PTP4A3: variants seen among roughly 807,000 people sequenced by gnomAD.
PTP4A3 encodes the protein protein tyrosine phosphatase type IVA 3.
A neutral mutation model predicts 15.2 loss-of-function variants in PTP4A3; 9 were observed. The ratio of observed to expected loss-of-function variants is 0.59; its 90% CI spans 0.36 to 1.03. The LOEUF is 1.03. Ranked by LOEUF, PTP4A3 falls within the 50% of genes least tolerant of loss-of-function variation. The probability of loss-of-function intolerance (pLI) is 0.02; values close to 1 mark genes in which losing one functional copy is unlikely to be tolerated. For synonymous variants in PTP4A3, 95 were observed against 102.0 expected (o/e 0.93, Z 0.41); for missense variants, 234 against 252.1 (o/e 0.93, Z 0.49).
At chr8:141,407,925 G>A (rs1265942515) in intron 1 of PTP4A3, among the ~76,000 whole-genome samples, 1 of 152,146 alleles carries the variant, frequency 6.6e-6, no homozygotes, top group East Asian at 1.9e-4. Context: ...TTGTTCATCA[G>A]CCATCATTAG....
At chr8:141,422,459 T>C (rs2130173028) in intron 2 of PTP4A3, 114 bp downstream of exon 2, 6 of 1,141,726 alleles carry the variant, frequency 5.3e-6, no homozygotes, top group Non-Finnish European at 6.5e-6. Context: ...CAGACAGGGC[T>C]CACAGCCTTG....
At chr8:141,410,733 G>T (rs1458971287) in intron 1 of PTP4A3, among the ~76,000 whole-genome samples, 1 of 152,196 alleles carries the variant, frequency 6.6e-6, no homozygotes, top group Non-Finnish European at 1.5e-5. Context: ...GCACAGCGAG[G>T]TTGAGGGATG....
chr8:141,422,248 G>A lies in PTP4A3; in HGVS notation c.8G>A (p.Arg3Gln), dbSNP rs1295374324. 20 of 1,612,822 alleles carry A rather than the reference G, an allele frequency of 1.2e-5. No individual in the cohort carries two copies. Among genetic ancestry groups the A allele is most frequent in the Admixed American group, 6.7e-5 (4 of 60,004 alleles). The stretch of plus-strand genomic sequence containing the variant: ...GGCCCGTCGGGAGGCGCCATGGCTC[G>A]GATGAACCGCCCGGCCCCGGTGGAG... MA[R>Q]MNRPAPVEVS... Residue 3 changes from arginine (R) to glutamine (Q), a missense_variant, in exon 2 of 6, where the codon CGG becomes CAG. Arg to Gln is a conservative substitution (Grantham distance 43). Transcript: ENST00000521578.
intron 1 of PTP4A3, among the ~76,000 whole-genome samples, chr8:141,410,887 C>T (rs1191090230): frequency 1.3e-5 from 2 of 152,210 alleles, no homozygotes; most frequent in East Asian, 3.9e-4. Context: ...CCAGAGAACC[C>T]ACCTGCCTTG....
At position 141,422,039 on chromosome 8, in the gene PTP4A3, T is replaced by C; in HGVS notation, c.-202T>C. 1.9e-6 allele frequency: 1 copy of C among 536,270 alleles called. No homozygotes were observed. The highest frequency in any genetic ancestry group is 3.3e-6 in the Non-Finnish European group (1 of 305,644). The allele number at this position is 536,270 out of a possible 1,614,324, so 33.2% of individuals were successfully genotyped here. ...TTTTCTTTTTTAATTATCCAAACAG[T>C]GGGCAGCTTCCTCCCCCACACCCAA... On this transcript the variant is annotated 5_prime_UTR_variant, in exon 2 of 6. Transcript: ENST00000521578.
Position 141,406,704 on chromosome 8 carries a change from A to G in PTP4A3, c.-854+14620A>G, listed in dbSNP as rs375675155. On this transcript the variant is annotated intron_variant, in intron 1 of 5. Coordinates refer to ENST00000521578, the MANE Select transcript of PTP4A3 (RefSeq NM_032611.3). This position sits in a 1 kb window ranked among gnomAD's most constrained non-coding sequence, Gnocchi z 4.5. ...GTGGCACAGAAGATGGCGAGTGGTGACGGCTGTGTTGCCTGCATGCCACCG... is the reference window on the plus strand; with the variant it reads ...GTGGCACAGAAGATGGCGAGTGGTGGCGGCTGTGTTGCCTGCATGCCACCG... Among the ~76,000 whole-genome samples the G allele has an allele frequency of 1.1e-4, 17 of 152,220 alleles. No homozygotes were observed. The East Asian group carries it at 3.1e-3, about 28-fold the overall frequency.
chr8:141,406,747 T>C lies in PTP4A3; in HGVS notation c.-853-14641T>C, dbSNP rs896053903. 2.6e-5 allele frequency among the ~76,000 whole-genome samples: 4 copies of C among 152,170 alleles called. No individual in the cohort carries two copies. Among genetic ancestry groups the C allele is most frequent in the Non-Finnish European group, 5.9e-5 (4 of 68,020 alleles). ...TGCCACCGACAGCCCGCCTCTTCTT[T>C]CCATCTTAATCCATCTTGCCAGCTC... On this transcript the variant is annotated intron_variant, in intron 1 of 5. Transcript: ENST00000521578. This position sits in a 1 kb window ranked among gnomAD's most constrained non-coding sequence, Gnocchi z 4.5.
intron 1 of PTP4A3, among the ~76,000 whole-genome samples, chr8:141,410,403 G>A (rs866607475): frequency 6.6e-5 from 10 of 152,252 alleles, no homozygotes; most frequent in African/African-American, 2.4e-4. Context: ...GGAGGAACAG[G>A]GGCTTTAAGA....
intron 1 of PTP4A3, among the ~76,000 whole-genome samples, chr8:141,408,806 T>C (rs1832795374): frequency 6.6e-6 from 1 of 152,148 alleles, no homozygotes; most frequent in African/African-American, 2.4e-5. Context: ...CACCAGCTGC[T>C]GGGGAACAGA....
chr8:141,426,360 C>A, intron 3 of PTP4A3: 1 of 874,846 alleles, frequency 1.1e-6, no homozygotes, highest in Non-Finnish European at 1.4e-6. Context: ...TCTTCCAAGA[C>A]CAAATTAACC....
rs1311439633 is a variant in PTP4A3, at chr8:141,401,448, T to A, written c.-854+9364T>A. 2.0e-5 allele frequency among the ~76,000 whole-genome samples: 3 copies of A among 152,140 alleles called. No individual in the cohort carries two copies. The East Asian group carries it at 5.8e-4, about 29-fold the overall frequency. ...AGTGTCCCCCTCTGTAAACAGGGTG[T>A]GACGTCCCCCCGGCCATGTCGGAGG... On this transcript the variant is annotated intron_variant, in intron 1 of 5. Transcript: ENST00000521578.
rs987993895 is a variant in PTP4A3, at chr8:141,424,905, C to T, written c.106-143C>T. 8 of 688,476 alleles carry T rather than the reference C, an allele frequency of 1.2e-5. No homozygotes were observed. The East Asian group carries it at 1.6e-4, about 14-fold the overall frequency. The allele number at this position is 688,476 out of a possible 1,614,324, so 42.6% of individuals were successfully genotyped here. A position where few individuals can be genotyped will look rare whatever the true frequency, so the allele number is the denominator to read the frequency against. ...GGGACTGAGGGGACAGGGCTCCACC[C>T]CGAGAGGTCTGAGGGGACATGTCCA... On this transcript the variant is annotated intron_variant, in intron 2 of 5. Coordinates refer to ENST00000521578, the MANE Select transcript of PTP4A3 (RefSeq NM_032611.3).
intron 1 of PTP4A3, among the ~76,000 whole-genome samples, chr8:141,418,356 C>A (rs1165752755): frequency 6.6e-6 from 1 of 152,220 alleles, no homozygotes; most frequent in African/African-American, 2.4e-5. Flanking sequence ...AGGGCGGTAG[C>A]CTCCCTGAAC....
chr8:141,430,089 G>C (rs1833779379), intron 5 of PTP4A3, among the ~76,000 whole-genome samples: 3 of 143,882 alleles, frequency 2.1e-5, no homozygotes, highest in African/African-American at 8.2e-5. Flanking sequence ...CCGCTGTAAG[G>C]ACCAGGTGGC....
intron 3 of PTP4A3, among the ~76,000 whole-genome samples, chr8:141,426,088 T>C (rs1336214353): frequency 2.0e-5 from 3 of 152,112 alleles, no homozygotes; most frequent in Non-Finnish European, 4.4e-5. Context: ...ACACCGGTTG[T>C]CTCTAGGAGT....
chr8:141,430,842 ACT>A, intron 5 of PTP4A3, 83 bp from the exon 6 acceptor site: 1 of 1,324,598 alleles, frequency 7.5e-7, no homozygotes, highest in African/African-American at 1.4e-5. Context: ...AGCCCACTGC[ACT>A]CTCAGATTCC....
chr8:141,394,537 G>A (rs889897573), intron 1 of PTP4A3, among the ~76,000 whole-genome samples: 13 of 152,174 alleles, frequency 8.5e-5, no homozygotes, highest in African/African-American at 2.9e-4. Flanking sequence ...GCAGCAGCCC[G>A]AGGCTGGGCT....
chr8:141,407,646 A>C lies in PTP4A3; in HGVS notation c.-853-13742A>C, dbSNP rs1832764325. ...CAGTGGTGGGATCTTGGCTCACTGC[A>C]ACCTCCACCTCCTGGGTTTAAGTGA... On this transcript the variant is annotated intron_variant, in intron 1 of 5. Coordinates refer to ENST00000521578, the MANE Select transcript of PTP4A3 (RefSeq NM_032611.3). Among the ~76,000 whole-genome samples the C allele has an allele frequency of 2.7e-5, 4 of 148,862 alleles. No individual in the cohort carries two copies. The South Asian group carries it at 8.4e-4, about 31-fold the overall frequency.
rs1466111250 is a variant in PTP4A3 at position 141,427,739 on chromosome 8, T to C, written c.330-11T>C. On this transcript the variant is annotated splice_polypyrimidine_tract_variant and intron_variant, in intron 4 of 5. Transcript: ENST00000521578. Reference sequence around the variant, plus strand: ...GGCTCCGATGACCCCCGCCCTGCTGTTTGCCCCCAGGGCTCCAGTCCTTGT... The same window carrying C: ...GGCTCCGATGACCCCCGCCCTGCTGCTTGCCCCCAGGGCTCCAGTCCTTGT... The C allele has an allele frequency of 6.5e-7, 1 of 1,548,988 alleles. No individual in the cohort carries two copies. The highest frequency in any genetic ancestry group is 1.4e-5 in the African/African-American group (1 of 72,968).
Sources: gnomAD v4.1 joint callset for allele counts (sites outside exome capture counted in the v4.1 genomes callset) on GRCh38, gnomAD v4.1.1 for gene constraint, Gnocchi (gnomAD v3.1) non-coding constraint, MANE v1.5 for transcripts, NCBI Gene and HGNC (gene_info 2026-07-23, HGNC 2026-07-21) for gene names.